The following FAM110B variants were observed in gnomAD, a reference collection of about 807,000 sequenced individuals.
The protein encoded by FAM110B is family with sequence similarity 110 member B.
A neutral mutation model predicts 20.4 loss-of-function variants in FAM110B; 6 were observed. That is an observed-to-expected ratio of 0.29 (90% confidence interval 0.16 to 0.58). The LOEUF (loss-of-function observed/expected upper bound fraction) is 0.58, where lower values mean the gene tolerates loss of function less well. Ranked by LOEUF, FAM110B falls within the 20% of genes least tolerant of loss-of-function variation. The pLI is 0.90. For missense variants in FAM110B, 434 were observed against 498.2 expected, an observed-to-expected ratio of 0.87 and a Z score of 1.23; for synonymous variants, 226 against 214.1, an observed-to-expected ratio of 1.06 and a Z score of -0.49.
intron 2 of FAM110B, among the ~76,000 whole-genome samples, chr8:58,040,183 T>C (rs371429525): frequency 3.3e-5 from 5 of 152,198 alleles, no homozygotes; most frequent in African/African-American, 1.2e-4. Flanking sequence ...TGAACGCTTT[T>C]TTTTTTCTCC....
intron 3 of FAM110B, among the ~76,000 whole-genome samples, chr8:58,103,476 T>C (rs974777080): frequency 1.3e-5 from 2 of 152,142 alleles, no homozygotes; most frequent in Non-Finnish European, 2.9e-5. Context: ...TCCAATTTCA[T>C]CCATGCCCCT....
intron 2 of FAM110B, among the ~76,000 whole-genome samples, chr8:58,059,369 T>C (rs1247155291): frequency 6.6e-6 from 1 of 152,232 alleles, no homozygotes; most frequent in African/African-American, 2.4e-5. Flanking sequence ...AAAGAAGCTT[T>C]CCCATTAGCA....
At chr8:58,068,827 T>C (rs1357656279) in intron 2 of FAM110B, among the ~76,000 whole-genome samples, 1 of 152,140 alleles carries the variant, frequency 6.6e-6, no homozygotes, top group African/African-American at 2.4e-5. Context: ...GAGAGTTGCA[T>C]TTGACTGGCT....
In FAM110B at chr8:58,147,509, T is replaced by TCA; in HGVS notation, c.*168_*169dup. 2 of 820,476 alleles carry TCA rather than the reference T, an allele frequency of 2.4e-6. No homozygotes were observed. Among genetic ancestry groups the TCA allele is most frequent in the South Asian group, 3.7e-5 (2 of 53,888 alleles). 50.8% of individuals were successfully genotyped at this position (820,476 alleles called of 1,614,324 possible). ...CATGGGGACTGACCTGGCTTCCACGTCACCATCGCTACAGAGCCTGGCTGA... is the reference window on the plus strand; with the variant it reads ...CATGGGGACTGACCTGGCTTCCACGTCACACCATCGCTACAGAGCCTGGCTGA... On this transcript the variant is annotated 3_prime_UTR_variant, in exon 4 of 4. Coordinates refer to ENST00000519262, the MANE Select transcript of FAM110B (RefSeq NM_001377989.1).
rs142527607 is a variant in FAM110B at position 58,145,489 on chromosome 8, G to A, written c.-324-418G>A. Among the ~76,000 whole-genome samples the A allele has an allele frequency of 6.2e-3, 945 of 152,248 alleles. 9 individuals are homozygous for A. The highest frequency in any genetic ancestry group is 0.022 in the African/African-American group (897 of 41,536). ...TAATTCACGACGTTGCAACCGGGGG[G>A]CATGGAAGGGATTCGTAGGAACTCA... On this transcript the variant is annotated intron_variant, in intron 3 of 3. Transcript: ENST00000519262.
chr8:58,030,805 AAC>A (rs942905551), intron 1 of FAM110B, among the ~76,000 whole-genome samples: 1 of 152,170 alleles, frequency 6.6e-6, no homozygotes, highest in African/African-American at 2.4e-5. Flanking sequence ...TAAGATTTTC[AAC>A]ACAGTATTTT....
At chr8:58,080,592 T>TG (rs1806163807) in intron 3 of FAM110B, among the ~76,000 whole-genome samples, 1 of 152,212 alleles carries the variant, frequency 6.6e-6, no homozygotes, top group Non-Finnish European at 1.5e-5. Context: ...CAGAGAGATG[T>TG]GATGCTTGCC....
chr8:58,004,338 C>T (rs1049891603), intron 1 of FAM110B, among the ~76,000 whole-genome samples: 1 of 152,202 alleles, frequency 6.6e-6, no homozygotes, highest in African/African-American at 2.4e-5. Flanking sequence ...CTAGTTGTAG[C>T]CATCTTCATC....
At chr8:58,004,918 G>A (rs918037891) in intron 1 of FAM110B, among the ~76,000 whole-genome samples, 9 of 152,148 alleles carry the variant, frequency 5.9e-5, no homozygotes, top group African/African-American at 2.2e-4. Flanking sequence ...CACTAAAACT[G>A]TCTCCCGAGA....
chr8:58,111,701 C>G (rs1338580711), intron 3 of FAM110B, among the ~76,000 whole-genome samples: 1 of 152,174 alleles, frequency 6.6e-6, no homozygotes, highest in Non-Finnish European at 1.5e-5. Context: ...TCCATCCTTA[C>G]ATAAACATGT....
At chr8:58,140,857 AG>A (rs1325183863) in intron 3 of FAM110B, among the ~76,000 whole-genome samples, 6 of 152,192 alleles carry the variant, frequency 3.9e-5, no homozygotes, top group African/African-American at 1.2e-4. Flanking sequence ...CCTTTGCCAC[AG>A]TCCTGCCAAA....
At chr8:58,115,665 A>T (rs1365894357) in intron 3 of FAM110B, among the ~76,000 whole-genome samples, 3 of 152,254 alleles carry the variant, frequency 2.0e-5, no homozygotes, top group East Asian at 3.9e-4. Context: ...TAGTGCTGGG[A>T]TTACAGCAGA....
intron 2 of FAM110B, among the ~76,000 whole-genome samples, chr8:58,052,487 C>T (rs1165204400): frequency 1.3e-5 from 2 of 152,086 alleles, no homozygotes; most frequent in African/African-American, 2.4e-5. Context: ...GAACCAGGCA[C>T]TGTTCCGCAG....
rs1563494782 is a variant in FAM110B at position 58,006,925 on chromosome 8, T to TATATATATATATATATG, written c.-512+12119_-512+12120insATATATATATATATATG. Reference sequence around the variant, plus strand: ...GGTATATATATATATATATATATATTTTTCCAAAACCAGAGTTTGCATTTT... The same window carrying TATATATATATATATATG: ...GGTATATATATATATATATATATATTATATATATATATATATGTTTCCAAAACCAGAGTTTGCATTTT... On this transcript the variant is annotated intron_variant, in intron 1 of 3. Coordinates refer to ENST00000519262, the MANE Select transcript of FAM110B (RefSeq NM_001377989.1). Among the ~76,000 whole-genome samples the TATATATATATATATATG allele has an allele frequency of 7.3e-4, 41 of 55,876 alleles. 2 individuals carry two copies. The highest frequency in any genetic ancestry group is 2.3e-3 in the African/African-American group (41 of 17,526). 36.7% of individuals were successfully genotyped at this position (55,876 alleles called of 152,430 possible).
intron 3 of FAM110B, among the ~76,000 whole-genome samples, chr8:58,089,750 T>C (rs922042909): frequency 8.5e-5 from 13 of 152,236 alleles, no homozygotes; most frequent in Admixed American, 5.9e-4. Flanking sequence ...CACATAGCTC[T>C]TATTTATTTT....
At chr8:58,124,170 C>CT (rs1305892336) in intron 3 of FAM110B, among the ~76,000 whole-genome samples, 1 of 152,192 alleles carries the variant, frequency 6.6e-6, no homozygotes, top group East Asian at 1.9e-4. Context: ...GGATTGGGCT[C>CT]TATTTTACTG....
At position 58,146,695 on chromosome 8, in the gene FAM110B, C is replaced by A. The variant is rs1803874486; in HGVS notation, c.465C>A (p.His155Gln). The change falls in exon 4 of 4, where the codon CAC becomes CAA. Residue 155 changes from histidine (H) to glutamine (Q), a missense_variant. His to Gln is a conservative substitution (Grantham distance 24). This residue lies in a region of FAM110B where 284 missense variants were observed against 278.3 expected (regional missense o/e 1.02). Transcript: ENST00000519262. ...PPHRSEATDL[H>Q]RHSFAESLKV... Reference sequence around the variant, plus strand: ...ACCGGTCGGAAGCCACTGACCTGCACCGTCACTCCTTCGCGGAGTCCCTGA... The same window carrying A: ...ACCGGTCGGAAGCCACTGACCTGCAACGTCACTCCTTCGCGGAGTCCCTGA... 6.2e-7 allele frequency: 1 copy of A among 1,612,734 alleles called. No individual in the cohort carries two copies.
intron 3 of FAM110B, among the ~76,000 whole-genome samples, chr8:58,121,176 G>T (rs1028850243): frequency 1.3e-5 from 2 of 152,164 alleles, no homozygotes; most frequent in African/African-American, 4.8e-5. Flanking sequence ...TGGCTGCTAG[G>T]TCTGGGGAGG....
chr8:58,005,670 G>C (rs1014092725), intron 1 of FAM110B, among the ~76,000 whole-genome samples: 11 of 152,182 alleles, frequency 7.2e-5, no homozygotes, highest in Admixed American at 2.0e-4. Context: ...GTCTCTGTAA[G>C]GTGCACATGG....
Sources: gnomAD v4.1 joint callset for allele counts (sites outside exome capture counted in the v4.1 genomes callset) on GRCh38, gnomAD v4.1.1 for gene constraint, gnomAD v4.1.1 regional missense constraint, MANE v1.5 for transcripts, NCBI Gene and HGNC (gene_info 2026-07-23, HGNC 2026-07-21) for gene names.